The following SAPCD2 variants were observed in gnomAD, a reference collection of about 807,000 sequenced individuals.
The protein encoded by SAPCD2 is suppressor APC domain containing 2.
A neutral mutation model predicts 37.8 loss-of-function variants in SAPCD2; 34 were observed. The ratio of observed to expected loss-of-function variants is 0.90; its 90% confidence interval spans 0.68 to 1.20. SAPCD2 has a LOEUF of 1.20. SAPCD2 is among the 50% of genes most tolerant of loss of function. The pLI, the probability that SAPCD2 is intolerant of heterozygous loss-of-function variation, is 0.00. For synonymous variants in SAPCD2, 275 were observed against 270.3 expected, an observed-to-expected ratio of 1.02 and a Z score of -0.17; for missense variants, 572 against 584.7, an observed-to-expected ratio of 0.98 and a Z score of 0.22.
intron 1 of SAPCD2, 68 bp downstream of exon 1, chr9:137,069,822 T>G: frequency 9.5e-7 from 1 of 1,055,984 alleles, no homozygotes; most frequent in Non-Finnish European, 1.2e-6. Flanking sequence ...GCAGCAGCTG[T>G]GGGACTGCGG....
chr9:137,070,322 C>A lies in SAPCD2; in HGVS notation c.139G>T (p.Val47Leu). The change falls in exon 1 of 6, where the codon GTG becomes TTG. Residue 47 changes from valine to leucine, a missense_variant. Transcript: ENST00000409687. Reference sequence around the variant, plus strand: ...CGGGACTCGATCTCGCGCAGGTGCACGCAGCCGCGCCGCCGGTCGTCCAGG... The same window carrying A: ...CGGGACTCGATCTCGCGCAGGTGCAAGCAGCCGCGCCGCCGGTCGTCCAGG... Reference protein sequence around the residue: ...DILDDRRRGCVHLREIESRWQ... With the variant: ...DILDDRRRGCLHLREIESRWQ... 1.4e-6 allele frequency: 2 copies of A among 1,476,640 alleles called. No individual in the cohort carries two copies. The highest frequency in any genetic ancestry group is 4.3e-5 in the Admixed American group (2 of 47,058). The allele number at this position is 1,476,640 out of a possible 1,614,324, so 91.5% of individuals were successfully genotyped here.
In SAPCD2 at chr9:137,063,667, A is replaced by C. The variant is rs1372146858; in HGVS notation, c.*992T>G. 1 of 152,288 alleles carries C rather than the reference A, an allele frequency of 6.6e-6. No homozygotes were observed. The highest frequency in any genetic ancestry group is 1.5e-5 in the Non-Finnish European group (1 of 68,100). 9.4% of individuals were successfully genotyped at this position (152,288 alleles called of 1,614,324 possible). ...CCCCACCAGTGCGTACTCCAGCACC[A>C]GCGGGAGTGGGCCTGGGCAGGGGCT... On this transcript the variant is annotated 3_prime_UTR_variant, in exon 6 of 6. Transcript: ENST00000409687.
In SAPCD2 at chr9:137,063,475, G is replaced by T; in HGVS notation, c.*1184C>A. ...CCCCACGCACTGACCCCGCATCGGA[G>T]GCCCTGCGCCCCACACACACTGACC... On this transcript the variant is annotated 3_prime_UTR_variant, in exon 6 of 6. Coordinates refer to ENST00000409687, the MANE Select transcript of SAPCD2 (RefSeq NM_178448.4). 1 of 151,862 alleles carries T rather than the reference G, an allele frequency of 6.6e-6. No homozygotes were observed. The allele number at this position is 151,862 out of a possible 1,614,324, so 9.4% of individuals were successfully genotyped here. A position where few individuals can be genotyped will look rare whatever the true frequency, so the allele number is the denominator to read the frequency against.
At chr9:137,067,357 G>A (rs1832560469) in intron 1 of SAPCD2, among the ~76,000 whole-genome samples, 1 of 151,912 alleles carries the variant, frequency 6.6e-6, no homozygotes, top group Non-Finnish European at 1.5e-5. Context: ...TGTGGTCCCG[G>A]CTACTCAGGA....
intron 1 of SAPCD2, among the ~76,000 whole-genome samples, chr9:137,069,176 A>G (rs933371586): frequency 6.6e-6 from 1 of 152,234 alleles, no homozygotes; most frequent in Non-Finnish European, 1.5e-5. Context: ...CAAGGCAGGC[A>G]CTGGGTTGGG....
rs371106227 is a variant in SAPCD2, at chr9:137,065,662, G to C, written c.691C>G (p.Gln231Glu). 15 of 1,602,586 alleles carry C rather than the reference G, an allele frequency of 9.4e-6. No individual in the cohort carries two copies. The African/African-American group carries it at 2.0e-4, about 21-fold the overall frequency. The change falls in exon 3 of 6, where the codon CAG becomes GAG. Residue 231 changes from glutamine (Q) to glutamate (E), a missense_variant. Coordinates refer to ENST00000409687, the MANE Select transcript of SAPCD2 (RefSeq NM_178448.4). ...ASGVDCGLLK[Q>E]MKELEQEKEV... is the part of the protein sequence containing the mutation. Reference sequence around the variant, plus strand: ...TTCTCCTGCTCCAGCTCCTTCATCTGCTTCAGCTGCAATACGTGCATTTAC... The same window carrying C: ...TTCTCCTGCTCCAGCTCCTTCATCTCCTTCAGCTGCAATACGTGCATTTAC...
At position 137,070,215 on chromosome 9, in the gene SAPCD2, C is replaced by T; in HGVS notation, c.246G>A (p.Leu82=). The T allele has an allele frequency of 1.4e-6, 2 of 1,387,270 alleles. No homozygotes were observed. Among genetic ancestry groups the T allele is most frequent in the Non-Finnish European group, 1.9e-6 (2 of 1,064,014 alleles). The allele number at this position is 1,387,270 out of a possible 1,614,324, so 85.9% of individuals were successfully genotyped here. A position where few individuals can be genotyped will look rare whatever the true frequency, so the allele number is the denominator to read the frequency against. The stretch of plus-strand genomic sequence containing the variant: ...GGCCGGCCACGAAGCGCTCGAAGGT[C>T]AGGTAGCCGCTGGCCGGGGCCACCT... ...LRQVAPASGY[L]TFERFVAGLR... The change falls in exon 1 of 6, where the codon CTG becomes CTA. Residue 82 remains leucine (L), a synonymous_variant. Coordinates refer to ENST00000409687, the MANE Select transcript of SAPCD2 (RefSeq NM_178448.4).
At chr9:137,066,451 CAT>C in intron 1 of SAPCD2, 77 bp from the exon 2 acceptor site, 1 of 1,095,704 alleles carries the variant, frequency 9.1e-7, no homozygotes, top group Non-Finnish European at 1.3e-6. Flanking sequence ...GCGGCCTCCA[CAT>C]CTCAGCCCAC....
In SAPCD2 at chr9:137,064,265, C is replaced by T. The variant is rs1408079942; in HGVS notation, c.*394G>A. The T allele has an allele frequency of 3.9e-6, 1 of 257,872 alleles. No homozygotes were observed. Among genetic ancestry groups the T allele is most frequent in the South Asian group, 3.9e-5 (1 of 25,886 alleles). The allele number at this position is 257,872 out of a possible 1,614,324, so 16.0% of individuals were successfully genotyped here. ...GGAGCCGCCCCGCGCCCTCTGCTGC[C>T]CGTTGTTGGAAGTGCAGCCTGGCGT... On this transcript the variant is annotated 3_prime_UTR_variant, in exon 6 of 6. Transcript: ENST00000409687.
rs1323140108 is a variant in SAPCD2 at position 137,066,308 on chromosome 9, C to T, written c.638G>A (p.Gly213Glu). The T allele has an allele frequency of 1.2e-6, 2 of 1,609,970 alleles. No individual in the cohort carries two copies. Among genetic ancestry groups the T allele is most frequent in the African/African-American group, 1.3e-5 (1 of 74,914 alleles). Residue 213 changes from glycine (G) to glutamate (E), a missense_variant, in exon 2 of 6, where the codon GGG (glycine) becomes GAG (glutamate). Gly to Glu is a moderately conservative substitution (Grantham distance 98). Coordinates refer to ENST00000409687, the MANE Select transcript of SAPCD2 (RefSeq NM_178448.4). ...GDARRAPRAR[G>E]ERRRHTIASG... ...GGCGATGGTGTGCCTCCGACGTTCC[C>T]CTCGGGCACGGGGAGCCCGCCGGGC...
In SAPCD2 at chr9:137,065,060, G is replaced by A; in HGVS notation, c.939+18C>T. On this transcript the variant is annotated intron_variant, in intron 4 of 5. Coordinates refer to ENST00000409687, the MANE Select transcript of SAPCD2 (RefSeq NM_178448.4). ...GCCTGGGCCCCAGCGTGGGTGTGGG[G>A]GTTTGGGGTACACTCACCCGGCTGG... 6.6e-7 allele frequency: 1 copy of A among 1,513,664 alleles called. No homozygotes were observed. Among genetic ancestry groups the A allele is most frequent in the Non-Finnish European group, 8.9e-7 (1 of 1,127,076 alleles). The allele number at this position is 1,513,664 out of a possible 1,614,324, so 93.8% of individuals were successfully genotyped here.
chr9:137,065,964 CCTCCCG>C (rs1832539987), intron 2 of SAPCD2, among the ~76,000 whole-genome samples: 1 of 152,178 alleles, frequency 6.6e-6, no homozygotes, highest in Non-Finnish European at 1.5e-5. Flanking sequence ...CTGAGCCCAC[CCTCCCG>C]AAGTCTGCCT....
chr9:137,069,712 G>A (rs1832596534), intron 1 of SAPCD2, among the ~76,000 whole-genome samples, 178 bp downstream of exon 1: 1 of 152,244 alleles, frequency 6.6e-6, no homozygotes, highest in African/African-American at 2.4e-5. Context: ...ACCGCGACAA[G>A]CATGAAGCCC....
At chr9:137,067,378 G>A (rs117920828) in intron 1 of SAPCD2, among the ~76,000 whole-genome samples, 1,936 of 152,118 alleles carry the variant, frequency 0.013, 49 homozygotes, top group East Asian at 0.099. Context: ...GCCTGAGGCA[G>A]GAGGATTGCT....
chr9:137,064,923 G>T lies in SAPCD2; in HGVS notation c.996C>A (p.Pro332=). ...GGATGGTCTGCTGCTGCCAGACCGG[G>T]GGTGAGGTGGACGTCAGGGCAGGGC... ...PPCPALTSTS[P]PVWQQQTILM... The change falls in exon 5 of 6, where the codon CCC becomes CCA. Residue 332 remains proline (P), a synonymous_variant. Transcript: ENST00000409687. The T allele has an allele frequency of 6.4e-7, 1 of 1,556,922 alleles. No homozygotes were observed.
intron 2 of SAPCD2, 69 bp downstream of exon 2, chr9:137,066,193 C>G: frequency 7.9e-7 from 1 of 1,262,518 alleles, no homozygotes; most frequent in East Asian, 2.5e-5. Context: ...CAAGGCCCCC[C>G]TGCTCCCATC....
chr9:137,065,560 C>G lies in SAPCD2; in HGVS notation c.793G>C (p.Glu265Gln), dbSNP rs201591483. Residue 265 changes from glutamate to glutamine, a missense_variant, in exon 3 of 6, where the codon GAG becomes CAG. By Grantham distance (29) the Glu-to-Gln change is conservative. Transcript: ENST00000409687. ...WYQQQLQRVQ[E>Q]RQRRLGQSRA... ...CTCTGGCCCAGGCGGCGCTGGCGCT[C>G]CTGCACTCGTTGCAGCTGCTGCTGG... The G allele has an allele frequency of 1.2e-6, 2 of 1,609,354 alleles. No individual in the cohort carries two copies.
chr9:137,063,176 C>T lies in SAPCD2; in HGVS notation c.*1483G>A, dbSNP rs1832485124. 1 of 152,308 alleles carries T rather than the reference C, an allele frequency of 6.6e-6. No homozygotes were observed. Among genetic ancestry groups the T allele is most frequent in the Non-Finnish European group, 1.5e-5 (1 of 68,080 alleles). The allele number at this position is 152,308 out of a possible 1,614,324, so 9.4% of individuals were successfully genotyped here. ...TGCACCCTTTCCTGCCCAGGAGGTCCAGGCCTGACATCCTTATGTCCCCTG... is the reference window on the plus strand; with the variant it reads ...TGCACCCTTTCCTGCCCAGGAGGTCTAGGCCTGACATCCTTATGTCCCCTG... On this transcript the variant is annotated 3_prime_UTR_variant, in exon 6 of 6. Coordinates refer to ENST00000409687, the MANE Select transcript of SAPCD2 (RefSeq NM_178448.4).
chr9:137,064,789 T>A lies in SAPCD2; in HGVS notation c.1057-2A>T, dbSNP rs1202243389. 1 of 1,593,740 alleles carries A rather than the reference T, an allele frequency of 6.3e-7. No individual in the cohort carries two copies. The highest frequency in any genetic ancestry group is 8.5e-7 in the Non-Finnish European group (1 of 1,170,772). The stretch of plus-strand genomic sequence containing the variant: ...GCGCTCACTCTTCTCGGTCACCTCC[T>A]GGGCAGGTGCACAGTTGGTCAAGGC... On this transcript the variant is annotated splice_acceptor_variant, in intron 5 of 5. Coordinates refer to ENST00000409687, the MANE Select transcript of SAPCD2 (RefSeq NM_178448.4). LOFTEE classifies it high-confidence loss of function.
Sources: allele counts gnomAD v4.1 joint callset (sites outside exome capture counted in the v4.1 genomes callset), GRCh38; gene constraint gnomAD v4.1.1; transcripts MANE v1.5; gene names NCBI Gene and HGNC (gene_info 2026-07-23, HGNC 2026-07-21).